NTNG1: variants seen among roughly 807,000 people sequenced by gnomAD.
The protein encoded by NTNG1 is netrin G1.
A neutral mutation model predicts 54.0 loss-of-function variants in NTNG1; 16 were observed. The observed-to-expected ratio is 0.30, with a 90% CI of 0.20 to 0.45. The LOEUF is 0.45. Among genes scored for constraint, NTNG1 ranks in the 20% least tolerant of loss-of-function variants. NTNG1 has a pLI of 1.00. For missense variants in NTNG1, 530 were observed against 678.7 expected (o/e 0.78, Z 2.43); for synonymous variants, 255 against 263.1 (o/e 0.97, Z 0.30).
intron 2 of NTNG1, among the ~76,000 whole-genome samples, chr1:107,225,815 C>T (rs1660638013): frequency 1.3e-5 from 2 of 151,968 alleles, no homozygotes; most frequent in Admixed American, 6.6e-5. Context: ...AATGAATAAC[C>T]CAGAGATTCT....
rs1673534527 is a variant in NTNG1, at chr1:107,407,792, C to T, written c.1087+84C>T. ...TTGTTCACCTCCTCAGATCTATTTT[C>T]CCAGTGTCCATTTCTGATGTAATAG... On this transcript the variant is annotated intron_variant, in intron 5 of 7. Coordinates refer to ENST00000370068, the MANE Select transcript of NTNG1 (RefSeq NM_001113226.3). 3.4e-6 allele frequency: 4 copies of T among 1,179,854 alleles called. No individual in the cohort carries two copies. The Admixed American group carries it at 6.7e-5, about 20-fold the overall frequency. 73.1% of individuals were successfully genotyped at this position (1,179,854 alleles called of 1,614,324 possible).
At chr1:107,181,666 G>A (rs1228812482) in intron 2 of NTNG1, among the ~76,000 whole-genome samples, 2 of 149,412 alleles carry the variant, frequency 1.3e-5, no homozygotes, top group East Asian at 3.9e-4. Context: ...TCATTTTAAT[G>A]AGATGTCAGC....
At chr1:107,284,897 T>G (rs1665093075) in intron 2 of NTNG1, among the ~76,000 whole-genome samples, 1 of 152,110 alleles carries the variant, frequency 6.6e-6, no homozygotes, top group Non-Finnish European at 1.5e-5. Flanking sequence ...GTTGATAGAT[T>G]GATTAGTCCA....
At chr1:107,150,455 T>A (rs1338268066) in intron 2 of NTNG1, among the ~76,000 whole-genome samples, 3 of 152,176 alleles carry the variant, frequency 2.0e-5, no homozygotes, top group Non-Finnish European at 4.4e-5. Flanking sequence ...TTCTACGCCT[T>A]ATAGCAGAGG....
At chr1:107,430,102 C>T (rs1004314106) in intron 5 of NTNG1, among the ~76,000 whole-genome samples, 1 of 152,170 alleles carries the variant, frequency 6.6e-6, no homozygotes, top group Non-Finnish European at 1.5e-5. Context: ...TATCTCCCTG[C>T]TTTTTTTGTC....
intron 2 of NTNG1, among the ~76,000 whole-genome samples, chr1:107,302,446 G>T (rs774715079): frequency 2.6e-5 from 4 of 151,884 alleles, no homozygotes; most frequent in Non-Finnish European, 5.9e-5. Context: ...TCCATTTCAA[G>T]AAAAATATTA....
chr1:107,418,552 A>G (rs748413143), intron 5 of NTNG1: 5 of 1,527,944 alleles, frequency 3.3e-6, no homozygotes, highest in Non-Finnish European at 4.5e-6. Context: ...TGAAAATAAC[A>G]TACCCTGATT....
chr1:107,325,602 A>G (rs1413600981), intron 3 of NTNG1, among the ~76,000 whole-genome samples: 1 of 152,140 alleles, frequency 6.6e-6, no homozygotes, highest in African/African-American at 2.4e-5. Flanking sequence ...TTTTGATAAT[A>G]TACTAGAGAC....
At chr1:107,336,214 T>C (rs571966914) in intron 3 of NTNG1, among the ~76,000 whole-genome samples, 1 of 151,224 alleles carries the variant, frequency 6.6e-6, no homozygotes, top group South Asian at 2.1e-4. Context: ...CAAAACTTAC[T>C]ACAAAGTCAC....
intron 7 of NTNG1, among the ~76,000 whole-genome samples, chr1:107,463,105 T>C (rs1439127702): frequency 6.6e-6 from 1 of 152,250 alleles, no homozygotes; most frequent in Admixed American, 6.5e-5. Context: ...GCTGAGATTT[T>C]CATTGTGCCT....
intron 5 of NTNG1, among the ~76,000 whole-genome samples, chr1:107,413,535 A>G (rs936180467): frequency 1.3e-5 from 2 of 152,088 alleles, no homozygotes; most frequent in African/African-American, 4.8e-5. Context: ...GGACCTTGTA[A>G]TTTTATCTCC....
At chr1:107,325,538 A>G (rs1040961678) in intron 3 of NTNG1, among the ~76,000 whole-genome samples, 1 of 152,140 alleles carries the variant, frequency 6.6e-6, no homozygotes. Flanking sequence ...TAGATTAATC[A>G]CAAATGGACA....
chr1:107,226,774 G>T (rs116608354), intron 2 of NTNG1, among the ~76,000 whole-genome samples: 3,212 of 152,166 alleles, frequency 0.021, 52 homozygotes, highest in Non-Finnish European at 0.029. Context: ...AGATACCAAA[G>T]ACTATCAGCT....
intron 2 of NTNG1, among the ~76,000 whole-genome samples, chr1:107,197,798 G>A (rs879593045): frequency 1.3e-5 from 2 of 151,876 alleles, no homozygotes; most frequent in Admixed American, 6.6e-5. Flanking sequence ...TTGGATGTAT[G>A]GATATAATTG....
intron 5 of NTNG1, among the ~76,000 whole-genome samples, chr1:107,419,453 A>G (rs527312324): frequency 3.5e-4 from 54 of 152,140 alleles, no homozygotes; most frequent in African/African-American, 1.3e-3. Flanking sequence ...ATAGACAGAA[A>G]TGTGATTACG....
At chr1:107,156,181 T>C (rs1654982151) in intron 2 of NTNG1, among the ~76,000 whole-genome samples, 1 of 152,210 alleles carries the variant, frequency 6.6e-6, no homozygotes, top group Non-Finnish European at 1.5e-5. Flanking sequence ...TTATCATAAA[T>C]CTAATGTTTT....
chr1:107,467,100 T>C (rs937389528), intron 7 of NTNG1, among the ~76,000 whole-genome samples: 1 of 152,226 alleles, frequency 6.6e-6, no homozygotes, highest in African/African-American at 2.4e-5. Flanking sequence ...ACTCATGAGC[T>C]TGTCTAAAGT....
In NTNG1 at chr1:107,484,596, G is replaced by A. The variant is rs1380586870; in HGVS notation, c.*3756G>A. On this transcript the variant is annotated 3_prime_UTR_variant, in exon 8 of 8. Coordinates refer to ENST00000370068, the MANE Select transcript of NTNG1 (RefSeq NM_001113226.3). ...ACCACATAACACAAAGAAAGGTCCA[G>A]GTTGGAAGAAGGCGTCTGCTCCACA... Among the ~76,000 whole-genome samples, 1 of 152,164 alleles carries A rather than the reference G, an allele frequency of 6.6e-6. No individual in the cohort carries two copies.
At chr1:107,373,350 C>T (rs1671040145) in intron 3 of NTNG1, among the ~76,000 whole-genome samples, 1 of 151,934 alleles carries the variant, frequency 6.6e-6, no homozygotes, top group Non-Finnish European at 1.5e-5. Context: ...ATATAACAAC[C>T]TTACAATAGT....
Sources: gnomAD v4.1 joint callset for allele counts (sites outside exome capture counted in the v4.1 genomes callset) on GRCh38, gnomAD v4.1.1 for gene constraint, MANE v1.5 for transcripts, NCBI Gene and HGNC (gene_info 2026-07-23, HGNC 2026-07-21) for gene names.